Variants in CTIF observed in about 807,000 individuals in gnomAD.
CTIF encodes CBP80/20-dependent translation initiation factor.
In CTIF, 21 loss-of-function variants were observed where a neutral mutation model predicts 66.0. The ratio of observed to expected loss-of-function variants is 0.32; its 90% CI spans 0.23 to 0.46. The LOEUF (loss-of-function observed/expected upper bound fraction) is 0.46, where lower values mean the gene tolerates loss of function less well. CTIF is among the 20% of genes least tolerant of loss of function. The pLI, the probability that CTIF is intolerant of heterozygous loss-of-function variation, is 1.00. For synonymous variants in CTIF, 345 were observed against 326.4 expected, an observed-to-expected ratio of 1.06 and a Z score of -0.62; for missense variants, 739 against 812.7, an observed-to-expected ratio of 0.91 and a Z score of 1.10.
At chr18:48,548,973 C>T (rs1434674436) in intron 1 of CTIF, among the ~76,000 whole-genome samples, 2 of 151,402 alleles carry the variant, frequency 1.3e-5, no homozygotes, top group South Asian at 2.1e-4. Context: ...AGCCAGAAGT[C>T]GGATGACTGT....
intron 6 of CTIF, among the ~76,000 whole-genome samples, chr18:48,680,958 G>C (rs1209626422): frequency 2.0e-5 from 3 of 152,224 alleles, no homozygotes; most frequent in African/African-American, 7.2e-5. Context: ...GGTGGTGGAG[G>C]GGGCGGGGAC....
intron 7 of CTIF, among the ~76,000 whole-genome samples, chr18:48,740,163 C>A (rs540367840): frequency 6.6e-6 from 1 of 152,302 alleles, no homozygotes; most frequent in African/African-American, 2.4e-5. Flanking sequence ...GGCAGGCTGC[C>A]ATAGAGTCCA....
At chr18:48,655,567 T>C (rs1419155126) in intron 3 of CTIF, among the ~76,000 whole-genome samples, 1 of 152,088 alleles carries the variant, frequency 6.6e-6, no homozygotes, top group Non-Finnish European at 1.5e-5. Flanking sequence ...TGGGAGTCCT[T>C]TGGGGAGTGG....
chr18:48,813,486 T>A (rs2068302537), intron 9 of CTIF, among the ~76,000 whole-genome samples: 1 of 152,260 alleles, frequency 6.6e-6, no homozygotes, highest in South Asian at 2.1e-4. Context: ...CTGAATGAGA[T>A]CACCCCTGTC....
intron 1 of CTIF, among the ~76,000 whole-genome samples, chr18:48,572,652 T>G (rs748982839): frequency 6.6e-6 from 1 of 152,068 alleles, no homozygotes; most frequent in African/African-American, 2.4e-5. Context: ...AGAAATTTGA[T>G]CTGGCCCCGG....
chr18:48,565,641 A>T (rs1249480601), intron 1 of CTIF: 1 of 152,228 alleles, frequency 6.6e-6, no homozygotes, highest in African/African-American at 2.4e-5. Flanking sequence ...ATAAGGGATC[A>T]TAATAGTACC....
intron 10 of CTIF, among the ~76,000 whole-genome samples, chr18:48,827,286 G>A (rs1299376364): frequency 6.6e-6 from 1 of 152,200 alleles, no homozygotes; most frequent in Non-Finnish European, 1.5e-5. Flanking sequence ...TGGACACATT[G>A]CTTGCTAGAA....
In CTIF at chr18:48,665,986, G is replaced by A. The variant is rs185936169; in HGVS notation, c.431+1435G>A. Among the ~76,000 whole-genome samples, 6 of 152,286 alleles carry A rather than the reference G, an allele frequency of 3.9e-5. No individual in the cohort carries two copies. The East Asian group carries it at 1.2e-3, about 29-fold the overall frequency. On this transcript the variant is annotated intron_variant, in intron 5 of 11. Coordinates refer to ENST00000256413, the MANE Select transcript of CTIF (RefSeq NM_014772.3). ...GGTGTATACCTGGGGTGGAATTGCT[G>A]GGTTGTATGGTAATTCTGTTGAACT...
chr18:48,601,082 A>C (rs1474415710), intron 1 of CTIF, among the ~76,000 whole-genome samples: 1 of 152,156 alleles, frequency 6.6e-6, no homozygotes, highest in Non-Finnish European at 1.5e-5. Context: ...GCCTGCGGAG[A>C]AGGGTATCTC....
At chr18:48,827,966 C>T (rs755352613) in intron 10 of CTIF, among the ~76,000 whole-genome samples, 7 of 152,058 alleles carry the variant, frequency 4.6e-5, no homozygotes, top group East Asian at 1.9e-4. Flanking sequence ...GGATCCTTGA[C>T]CTCCTCAAGA....
intron 1 of CTIF, among the ~76,000 whole-genome samples, chr18:48,601,661 A>G (rs922096367): frequency 1.3e-5 from 2 of 152,242 alleles, no homozygotes; most frequent in African/African-American, 4.8e-5. Context: ...CTGAGATGGC[A>G]TTGAGACAAG....
rs759105755 is a variant in CTIF, at chr18:48,817,380, A to G, written c.1527+4A>G. The stretch of plus-strand genomic sequence containing the variant: ...CATCTACACCTGCCTCAGGGAGGTA[A>G]GAGACCTGCCGCCTGTGCCCCCTGC... On this transcript the variant is annotated splice_donor_region_variant and intron_variant, in intron 10 of 11. Coordinates refer to ENST00000256413, the MANE Select transcript of CTIF (RefSeq NM_014772.3). 2 of 1,608,360 alleles carry G rather than the reference A, an allele frequency of 1.2e-6. No individual in the cohort carries two copies. The highest frequency in any genetic ancestry group is 1.7e-6 in the Non-Finnish European group (2 of 1,177,272).
intron 9 of CTIF, among the ~76,000 whole-genome samples, chr18:48,783,063 C>T (rs1201251541): frequency 6.6e-6 from 1 of 152,256 alleles, no homozygotes; most frequent in Non-Finnish European, 1.5e-5. Flanking sequence ...TGGGTCCTAA[C>T]CTTTAGTGAA....
chr18:48,699,431 G>GGGCTGA (rs2092052272), intron 6 of CTIF, among the ~76,000 whole-genome samples: 1 of 152,228 alleles, frequency 6.6e-6, no homozygotes, highest in Non-Finnish European at 1.5e-5. Context: ...GCTGGGGCTG[G>GGGCTGA]GGCTGGAGCC....
In CTIF at chr18:48,602,499, C is replaced by T. The variant is rs2090108124; in HGVS notation, c.-28-17039C>T. 2.6e-5 allele frequency among the ~76,000 whole-genome samples: 4 copies of T among 152,188 alleles called. No homozygotes were observed. In the South Asian group the frequency reaches 8.3e-4, roughly 31 times the overall value. On this transcript the variant is annotated intron_variant, in intron 1 of 11. Coordinates refer to ENST00000256413, the MANE Select transcript of CTIF (RefSeq NM_014772.3). ...TAGCTTAATTGACAGCATATTTTCT[C>T]TGTGGTTCATAAAATAATGGTGAGC...
At chr18:48,565,467 C>T (rs889014000) in intron 1 of CTIF, 5 of 152,164 alleles carry the variant, frequency 3.3e-5, no homozygotes, top group African/African-American at 1.2e-4. Context: ...TTCCGTTTTA[C>T]AAAGATCCCC....
intron 10 of CTIF, among the ~76,000 whole-genome samples, chr18:48,821,300 G>C (rs891683244): frequency 7.9e-5 from 12 of 152,238 alleles, no homozygotes; most frequent in African/African-American, 2.9e-4. Context: ...CTGCATGGAC[G>C]CCTCCATCTC....
At chr18:48,559,940 C>T (rs2089114942) in intron 1 of CTIF, among the ~76,000 whole-genome samples, 2 of 152,002 alleles carry the variant, frequency 1.3e-5, no homozygotes, top group Admixed American at 6.6e-5. Context: ...CATGTACCCC[C>T]TAAATAAATA....
At position 48,859,427 on chromosome 18, in the gene CTIF, G is replaced by C. The variant is rs550701558; in HGVS notation, c.1665G>C (p.Leu555=). 2 of 1,614,166 alleles carry C rather than the reference G, an allele frequency of 1.2e-6. No individual in the cohort carries two copies. Among genetic ancestry groups the C allele is most frequent in the Non-Finnish European group, 1.7e-6 (2 of 1,180,020 alleles). The change falls in exon 12 of 12, where the codon CTG becomes CTC. Residue 555 remains leucine, a synonymous_variant. Transcript: ENST00000256413. ...ELLASARDKM[L]CPSESMLTRS... The stretch of plus-strand genomic sequence containing the variant: ...TGGCCAGCGCACGGGACAAGATGCT[G>C]TGCCCCTCGGAGTCCATGCTGACCC...
Sources: allele counts gnomAD v4.1 joint callset (sites outside exome capture counted in the v4.1 genomes callset), GRCh38; gene constraint gnomAD v4.1.1; transcripts MANE v1.5; gene names NCBI Gene and HGNC (gene_info 2026-07-23, HGNC 2026-07-21).